ARMC2: variants seen among roughly 807,000 people sequenced by gnomAD.
ARMC2 encodes the protein armadillo repeat-containing protein 2.
A neutral mutation model predicts 90.3 loss-of-function variants in ARMC2; 67 were observed. The ratio of observed to expected loss-of-function variants is 0.74; its 90% CI spans 0.61 to 0.91. ARMC2 has a LOEUF of 0.91. Among genes scored for constraint, ARMC2 ranks in the 40% least tolerant of loss-of-function variants. ARMC2 has a pLI of 0.00. For synonymous variants in ARMC2, 393 were observed against 393.0 expected (o/e 1.00, Z 0.00); for missense variants, 920 against 1,030.9 (o/e 0.89, Z 1.47).
intron 4 of ARMC2, among the ~76,000 whole-genome samples, chr6:108,869,696 G>A (rs535525856): frequency 6.6e-6 from 1 of 152,228 alleles, no homozygotes; most frequent in East Asian, 1.9e-4. Flanking sequence ...TCCCGTGTGA[G>A]CATGTAAGCA....
At chr6:108,888,718 C>T (rs553778634) in intron 5 of ARMC2, among the ~76,000 whole-genome samples, 9 of 152,292 alleles carry the variant, frequency 5.9e-5, no homozygotes, top group African/African-American at 1.4e-4. Flanking sequence ...TGGTAGGCTT[C>T]CCCTGCTATC....
At chr6:109,000,453 C>A in the ARMC2 span, 1 of 1,399,906 alleles carries the variant, frequency 7.1e-7, no homozygotes, top group South Asian at 1.9e-5. Context: ...CTAAAAAAGT[C>A]TGAAATGACT....
chr6:108,850,943 G>A (rs1773952238), intron 1 of ARMC2, among the ~76,000 whole-genome samples: 1 of 152,176 alleles, frequency 6.6e-6, no homozygotes, highest in African/African-American at 2.4e-5. Flanking sequence ...GTCCAGGAAA[G>A]CTTCCTTGAG....
chr6:108,907,998 T>G, intron 8 of ARMC2: 1 of 895,022 alleles, frequency 1.1e-6, no homozygotes, highest in Non-Finnish European at 1.6e-6. Context: ...ATTTCCTATT[T>G]TCCTCCTGGG....
intron 16 of ARMC2, 48 bp downstream of exon 16, chr6:108,964,360 A>T (rs902358438): frequency 1.3e-6 from 2 of 1,587,198 alleles, no homozygotes; most frequent in Non-Finnish European, 8.6e-7. Context: ...TTTGAAGGAC[A>T]TCATTTTCTT....
chr6:108,998,582 G>A, the ARMC2 span: 1 of 1,613,900 alleles, frequency 6.2e-7, no homozygotes, highest in Non-Finnish European at 8.5e-7. Flanking sequence ...TGTCACAGAT[G>A]CAGTAGTTGC....
intron 13 of ARMC2, among the ~76,000 whole-genome samples, chr6:108,957,843 A>G (rs542981559): frequency 2.6e-4 from 40 of 152,286 alleles, no homozygotes; most frequent in Middle Eastern, 3.4e-3. Context: ...AGTGAATTAT[A>G]GAGGGTAGGA....
At chr6:108,921,218 C>T (rs1774533768) in intron 10 of ARMC2, among the ~76,000 whole-genome samples, 2 of 152,232 alleles carry the variant, frequency 1.3e-5, no homozygotes, top group South Asian at 2.1e-4. Flanking sequence ...GTATTGAATA[C>T]ATACATAGCC....
intron 1 of ARMC2, among the ~76,000 whole-genome samples, chr6:108,850,855 G>A (rs1487377704): frequency 6.6e-6 from 1 of 152,192 alleles, no homozygotes; most frequent in Non-Finnish European, 1.5e-5. Context: ...GGAGAGTGGA[G>A]TGGCAGAGAC....
chr6:108,996,650 C>A, the ARMC2 span, among the ~76,000 whole-genome samples: 1 of 151,718 alleles, frequency 6.6e-6, no homozygotes, highest in Non-Finnish European at 1.5e-5. Flanking sequence ...AAAAAAATGG[C>A]ATTTCATTTT....
chr6:108,991,021 T>C, the ARMC2 span, among the ~76,000 whole-genome samples: 831 of 151,930 alleles, frequency 5.5e-3, 14 homozygotes, highest in African/African-American at 0.019. Flanking sequence ...ATGCAAAAGG[T>C]TGTGTTTTAT....
chr6:108,852,053 A>G (rs1774065231), intron 1 of ARMC2, among the ~76,000 whole-genome samples: 1 of 152,126 alleles, frequency 6.6e-6, no homozygotes, highest in Admixed American at 6.5e-5. Context: ...TGGAAGGAAA[A>G]TTTTGTAAAG....
At chr6:109,005,246 A>T in the ARMC2 span, among the ~76,000 whole-genome samples, 1 of 152,220 alleles carries the variant, frequency 6.6e-6, no homozygotes. Context: ...TTTAGAAAAA[A>T]TGAAGCACTT....
At chr6:108,877,309 T>C (rs1311539391) in intron 5 of ARMC2, among the ~76,000 whole-genome samples, 1 of 152,198 alleles carries the variant, frequency 6.6e-6, no homozygotes, top group Non-Finnish European at 1.5e-5. Flanking sequence ...TTAAAACTTT[T>C]CCCCCAAGTG....
chr6:108,912,812 C>A (rs1008234428), intron 10 of ARMC2, among the ~76,000 whole-genome samples: 2 of 152,008 alleles, frequency 1.3e-5, no homozygotes, highest in Non-Finnish European at 2.9e-5. Context: ...AGAAAGCAGG[C>A]CTGGAAGAAG....
chr6:108,889,772 T>G (rs1770767035), intron 5 of ARMC2, among the ~76,000 whole-genome samples: 1 of 151,724 alleles, frequency 6.6e-6, no homozygotes, highest in Non-Finnish European at 1.5e-5. Context: ...TAAGGCCCAT[T>G]TTGTAGTCCA....
rs1777718211 is a variant in ARMC2 at position 108,882,712 on chromosome 6, G to A, written c.671+6362G>A. On this transcript the variant is annotated intron_variant, in intron 5 of 17. Transcript: ENST00000392644. Reference sequence around the variant, plus strand: ...AATGATTATTGAGATAGATATGGAAGAATGAAACTTGTTTTCCTGAAGAAG... The same window carrying A: ...AATGATTATTGAGATAGATATGGAAAAATGAAACTTGTTTTCCTGAAGAAG... 2.0e-5 allele frequency among the ~76,000 whole-genome samples: 3 copies of A among 152,150 alleles called. No individual in the cohort carries two copies. In the South Asian group the frequency reaches 6.2e-4, roughly 31 times the overall value.
intron 9 of ARMC2, among the ~76,000 whole-genome samples, chr6:108,912,054 T>C (rs1044810737): frequency 2.0e-5 from 3 of 152,152 alleles, no homozygotes; most frequent in Non-Finnish European, 4.4e-5. Flanking sequence ...TAAAGGTCAA[T>C]AAATAATTAG....
chr6:108,923,618 C>CTTTT (rs35715301), intron 10 of ARMC2, among the ~76,000 whole-genome samples: 3,918 of 137,130 alleles, frequency 0.029, 159 homozygotes, highest in East Asian at 0.19. Flanking sequence ...TCCCCACACC[C>CTTTT]TTTTTTTTTT....
Sources: allele counts gnomAD v4.1 joint callset (sites outside exome capture counted in the v4.1 genomes callset), GRCh38; gene constraint gnomAD v4.1.1; transcripts MANE v1.5; gene names NCBI Gene and HGNC (gene_info 2026-07-23, HGNC 2026-07-21).